The following SORCS2 variants were observed in gnomAD, a reference collection of about 807,000 sequenced individuals.
The protein encoded by SORCS2 is sortilin related VPS10 domain containing receptor 2.
In SORCS2, 100 loss-of-function variants were observed where a neutral mutation model predicts 141.6. That is an observed-to-expected ratio of 0.71 (90% CI 0.60 to 0.83). The LOEUF (loss-of-function observed/expected upper bound fraction) is 0.83. SORCS2 is among the 40% of genes least tolerant of loss of function. SORCS2 has a pLI of 0.00. For synonymous variants in SORCS2, 789 were observed against 676.9 expected, an observed-to-expected ratio of 1.17 and a Z score of -2.57; for missense variants, 1,646 against 1,560.2, an observed-to-expected ratio of 1.05 and a Z score of -0.93.
chr4:7,260,330 C>T (rs1714234380), intron 1 of SORCS2, among the ~76,000 whole-genome samples: 1 of 152,080 alleles, frequency 6.6e-6, no homozygotes, highest in Non-Finnish European at 1.5e-5. Flanking sequence ...GTCAGAGGAG[C>T]CACACTTACT....
intron 12 of SORCS2, among the ~76,000 whole-genome samples, chr4:7,702,128 C>T (rs1053582248): frequency 5.9e-5 from 9 of 152,312 alleles, no homozygotes; most frequent in African/African-American, 1.7e-4. Flanking sequence ...CACACTGAGA[C>T]GGATGAGCGT....
intron 10 of SORCS2, among the ~76,000 whole-genome samples, chr4:7,683,268 G>A (rs1723650442): frequency 1.2e-5 from 1 of 83,242 alleles, no homozygotes; most frequent in Admixed American, 1.1e-4. Context: ...GACCTTGGCT[G>A]GGCTCAGCTG....
chr4:7,603,352 G>C (rs1717863256), intron 3 of SORCS2, among the ~76,000 whole-genome samples: 1 of 152,126 alleles, frequency 6.6e-6, no homozygotes, highest in African/African-American at 2.4e-5. Context: ...ATTGTAATGA[G>C]GTTCTGAAAT....
intron 2 of SORCS2, among the ~76,000 whole-genome samples, chr4:7,489,551 T>C (rs560444244): frequency 6.6e-6 from 1 of 152,222 alleles, no homozygotes; most frequent in Non-Finnish European, 1.5e-5. Flanking sequence ...CCCCTGCAGA[T>C]GTTATCTGGT....
At chr4:7,654,507 A>G (rs1360079047) in intron 5 of SORCS2, among the ~76,000 whole-genome samples, 14 of 152,136 alleles carry the variant, frequency 9.2e-5, no homozygotes, top group Admixed American at 7.9e-4. Flanking sequence ...GCCCTGTGCC[A>G]CTGCTGTTCC....
chr4:7,618,359 T>G (rs899721551), intron 3 of SORCS2, among the ~76,000 whole-genome samples: 1 of 152,074 alleles, frequency 6.6e-6, no homozygotes, highest in Non-Finnish European at 1.5e-5. Flanking sequence ...CTTCCAGGGC[T>G]TTTTCCAGGA....
intron 5 of SORCS2, among the ~76,000 whole-genome samples, chr4:7,657,870 G>A (rs1189006408): frequency 6.6e-6 from 1 of 152,000 alleles, no homozygotes; most frequent in East Asian, 1.9e-4. Context: ...GAATGAGTGA[G>A]TGAGTCACTG....
At chr4:7,478,325 C>T (rs1730425983) in intron 2 of SORCS2, among the ~76,000 whole-genome samples, 1 of 152,126 alleles carries the variant, frequency 6.6e-6, no homozygotes, top group Admixed American at 6.5e-5. Flanking sequence ...TGGTCTGCGT[C>T]ACCAGCTCCC....
chr4:7,271,650 C>T (rs563604992), intron 1 of SORCS2, among the ~76,000 whole-genome samples: 1 of 152,370 alleles, frequency 6.6e-6, no homozygotes, highest in East Asian at 1.9e-4. Context: ...TCCCGTCTGC[C>T]ACAGGAGGGG....
intron 1 of SORCS2, among the ~76,000 whole-genome samples, chr4:7,248,136 C>G (rs1304025634): frequency 6.6e-6 from 1 of 152,236 alleles, no homozygotes; most frequent in Non-Finnish European, 1.5e-5. Flanking sequence ...TAGCCACCGA[C>G]TGTGTGTGGC....
intron 3 of SORCS2, among the ~76,000 whole-genome samples, chr4:7,558,420 G>A (rs7698678): frequency 0.14 from 21,250 of 152,028 alleles, 1,494 homozygotes; most frequent in Non-Finnish European, 0.16. Context: ...AAAACCTACT[G>A]GGGTGGAAAA....
At chr4:7,319,894 C>G (rs1237655396) in intron 1 of SORCS2, among the ~76,000 whole-genome samples, 1 of 152,244 alleles carries the variant, frequency 6.6e-6, no homozygotes, top group Non-Finnish European at 1.5e-5. Context: ...CTCCTCTAAT[C>G]CTTAATGATT....
chr4:7,665,321 C>A (rs749520648), intron 7 of SORCS2, among the ~76,000 whole-genome samples: 2 of 152,186 alleles, frequency 1.3e-5, no homozygotes, highest in Non-Finnish European at 2.9e-5. Context: ...ATCCCATCCC[C>A]CACTGTTAAA....
intron 1 of SORCS2, among the ~76,000 whole-genome samples, chr4:7,227,511 C>A (rs1464842416): frequency 2.6e-5 from 4 of 152,184 alleles, no homozygotes. Flanking sequence ...TCTTCTGGGG[C>A]CTTGTGGGTG....
At chr4:7,380,782 A>G (rs1722937023) in intron 1 of SORCS2, among the ~76,000 whole-genome samples, 1 of 152,244 alleles carries the variant, frequency 6.6e-6, no homozygotes, top group South Asian at 2.1e-4. Flanking sequence ...AAATTTGCTT[A>G]CTTGTGTTAA....
intron 1 of SORCS2, among the ~76,000 whole-genome samples, chr4:7,315,716 A>G (rs766163556): frequency 1.7e-4 from 26 of 152,172 alleles, no homozygotes; most frequent in Non-Finnish European, 1.0e-4. Flanking sequence ...TCTCCCTGTG[A>G]GGACTCTCTC....
chr4:7,265,096 G>T (rs1203657516), intron 1 of SORCS2, among the ~76,000 whole-genome samples: 5 of 152,218 alleles, frequency 3.3e-5, no homozygotes, highest in East Asian at 3.8e-4. Context: ...TCCATTCGGG[G>T]GTGTGTTAAT....
At chr4:7,632,335 G>A (rs1719945963) in intron 3 of SORCS2, among the ~76,000 whole-genome samples, 1 of 152,154 alleles carries the variant, frequency 6.6e-6, no homozygotes. Context: ...GGTACCATAT[G>A]TCTCCCCCAG....
chr4:7,514,667 C>G (rs1320740005), intron 2 of SORCS2, among the ~76,000 whole-genome samples: 1 of 152,046 alleles, frequency 6.6e-6, no homozygotes, highest in Non-Finnish European at 1.5e-5. Flanking sequence ...CTGGGGTGTA[C>G]AATGGACAGT....
Sources: allele counts gnomAD v4.1 joint callset (sites outside exome capture counted in the v4.1 genomes callset), GRCh38; gene constraint gnomAD v4.1.1; transcripts MANE v1.5; gene names NCBI Gene and HGNC (gene_info 2026-07-23, HGNC 2026-07-21).